Variants in EYS observed in about 807,000 individuals in gnomAD.
The protein encoded by EYS is protein eyes shut homolog.
EYS carries 250 observed loss-of-function variants against 282.1 expected under a neutral mutation model. That is an observed-to-expected ratio of 0.89 (90% CI 0.80 to 0.98). EYS has a LOEUF of 0.98. EYS is among the 50% of genes least tolerant of loss of function. EYS has a pLI of 0.00. For missense variants in EYS, 4,016 were observed against 3,709.0 expected (o/e 1.08, Z -2.15); for synonymous variants, 1,355 against 1,282.9 (o/e 1.06, Z -1.20).
At chr6:64,278,717 A>ACTCTCTCT (rs113366162) in intron 30 of EYS, among the ~76,000 whole-genome samples, 17 of 142,136 alleles carry the variant, frequency 1.2e-4, no homozygotes, top group African/African-American at 3.9e-4. Flanking sequence ...TCAGCCAAAA[A>ACTCTCTCT]CTCTCTCTCT....
At chr6:64,298,534 T>C (rs1397531788) in intron 30 of EYS, among the ~76,000 whole-genome samples, 1 of 152,048 alleles carries the variant, frequency 6.6e-6, no homozygotes, top group East Asian at 1.9e-4. Flanking sequence ...AATAGCTATA[T>C]ACAAAATAAA....
Position 64,191,233 on chromosome 6 carries a change from C to T in EYS, c.6424+39359G>A, listed in dbSNP as rs918556415. On this transcript the variant is annotated intron_variant, in intron 31 of 42. Coordinates refer to ENST00000503581, the MANE Select transcript of EYS (RefSeq NM_001142800.2). Reference sequence around the variant, plus strand: ...TTTAAATTGTTACACATTTTTGGTGCCTTGTTTTAAGAAATCCTTCTCTAC... The same window carrying T: ...TTTAAATTGTTACACATTTTTGGTGTCTTGTTTTAAGAAATCCTTCTCTAC... Among the ~76,000 whole-genome samples, 61 of 151,760 alleles carry T rather than the reference C, an allele frequency of 4.0e-4. 1 individual carries two copies. Among genetic ancestry groups the T allele is most frequent in the Middle Eastern group, 3.4e-3 (1 of 294 alleles).
At chr6:65,442,134 T>TA (rs1768353614) in intron 5 of EYS, among the ~76,000 whole-genome samples, 1 of 152,046 alleles carries the variant, frequency 6.6e-6, no homozygotes, top group African/African-American at 2.4e-5. Flanking sequence ...TTTTCTTCTT[T>TA]AAAAAATATG....
At chr6:64,085,400 A>G (rs1772123336) in intron 31 of EYS, among the ~76,000 whole-genome samples, 2 of 150,764 alleles carry the variant, frequency 1.3e-5, no homozygotes, top group Admixed American at 1.3e-4. Context: ...ATGTATGACT[A>G]TAGGTCAACA....
intron 18 of EYS, among the ~76,000 whole-genome samples, chr6:64,901,264 T>C (rs77542310): frequency 3.3e-4 from 45 of 135,480 alleles, no homozygotes; most frequent in African/African-American, 1.2e-3. Context: ...AGGGGAGGGA[T>C]AGCATTAGGA....
At chr6:65,588,906 T>C (rs1582489715) in intron 2 of EYS, among the ~76,000 whole-genome samples, 1 of 126,006 alleles carries the variant, frequency 7.9e-6, no homozygotes, top group South Asian at 2.5e-4. Flanking sequence ...AAGTGAAATA[T>C]ATATGATCTT....
At chr6:64,273,044 C>A (rs546296295) in intron 30 of EYS, among the ~76,000 whole-genome samples, 2 of 152,138 alleles carry the variant, frequency 1.3e-5, no homozygotes, top group Admixed American at 6.5e-5. Flanking sequence ...TTCTTCTAAG[C>A]AAATCTACAA....
chr6:64,005,238 T>C (rs1372778714), intron 33 of EYS, among the ~76,000 whole-genome samples: 3 of 152,244 alleles, frequency 2.0e-5, no homozygotes, highest in Admixed American at 6.5e-5. Flanking sequence ...TTGTTTTATA[T>C]GCTTTCGGCC....
intron 22 of EYS, among the ~76,000 whole-genome samples, chr6:64,635,685 T>C (rs1767951426): frequency 6.6e-6 from 1 of 152,198 alleles, no homozygotes; most frequent in Non-Finnish European, 1.5e-5. Flanking sequence ...CACTTGATCA[T>C]GGTGGATAAG....
intron 15 of EYS, among the ~76,000 whole-genome samples, chr6:64,940,747 G>C (rs1769063101): frequency 6.6e-6 from 1 of 151,646 alleles, no homozygotes; most frequent in Non-Finnish European, 1.5e-5. Flanking sequence ...GCCAGCTATT[G>C]TGGAATTCAA....
chr6:65,334,162 CAT>C (rs546529819), intron 11 of EYS, among the ~76,000 whole-genome samples: 83 of 151,820 alleles, frequency 5.5e-4, no homozygotes, highest in Admixed American at 1.8e-3. Context: ...TTGTTTTCCA[CAT>C]GTCTTATATC....
At chr6:64,439,838 A>C (rs2150466847) in intron 26 of EYS, among the ~76,000 whole-genome samples, 1 of 152,006 alleles carries the variant, frequency 6.6e-6, no homozygotes, top group African/African-American at 2.4e-5. Flanking sequence ...TCTGAATGAT[A>C]TTCTAATTAG....
chr6:63,932,978 T>A (rs9353364), intron 35 of EYS, among the ~76,000 whole-genome samples: 47,887 of 152,172 alleles, frequency 0.31, 7,614 homozygotes, highest in Admixed American at 0.39. Context: ...TTGATCAGTC[T>A]GCTAGAGTGG....
intron 26 of EYS, among the ~76,000 whole-genome samples, chr6:64,541,599 A>G (rs1251847265): frequency 6.6e-6 from 1 of 151,998 alleles, no homozygotes; most frequent in Admixed American, 6.6e-5. Context: ...TTCACGTATT[A>G]CTAAAGTATA....
intron 19 of EYS, among the ~76,000 whole-genome samples, chr6:64,885,154 G>GA (rs897857927): frequency 1.8e-4 from 27 of 151,550 alleles, no homozygotes; most frequent in Non-Finnish European, 3.5e-4. Context: ...TATTATGTAA[G>GA]AAAAAATGAA....
intron 12 of EYS, among the ~76,000 whole-genome samples, chr6:65,198,620 T>G (rs1434653340): frequency 1.3e-5 from 2 of 152,102 alleles, no homozygotes; most frequent in African/African-American, 4.8e-5. Context: ...GGCATATCAT[T>G]GACTACAGAA....
At chr6:64,235,267 G>A (rs1294108602) in intron 30 of EYS, among the ~76,000 whole-genome samples, 2 of 133,792 alleles carry the variant, frequency 1.5e-5, no homozygotes, top group African/African-American at 5.7e-5. Flanking sequence ...AGTCCCCAGA[G>A]TGTGATGTTC....
At chr6:65,589,879 A>G (rs1765173626) in intron 2 of EYS, among the ~76,000 whole-genome samples, 1 of 151,964 alleles carries the variant, frequency 6.6e-6, no homozygotes, top group South Asian at 2.1e-4. Flanking sequence ...AATGTTTATT[A>G]ATGTGTTACT....
chr6:64,780,191 A>C (rs1773816549), intron 22 of EYS, among the ~76,000 whole-genome samples: 1 of 152,232 alleles, frequency 6.6e-6, no homozygotes, highest in African/African-American at 2.4e-5. Flanking sequence ...TTTTAAATCA[A>C]AGGATTAAAA....
Sources: allele counts gnomAD v4.1 joint callset (sites outside exome capture counted in the v4.1 genomes callset), GRCh38; gene constraint gnomAD v4.1.1; transcripts MANE v1.5; gene names NCBI Gene and HGNC (gene_info 2026-07-23, HGNC 2026-07-21).